The following KRABD3 variants were observed in gnomAD, a reference collection of about 807,000 sequenced individuals.
The protein encoded by KRABD3 is KRAB domain containing 3, also known as KRAB domain-containing protein 3.
At chr7:149,721,829 G>A in the KRABD3 span, 2 of 583,110 alleles carry the variant, frequency 3.4e-6, no homozygotes, top group Non-Finnish European at 6.5e-6. Flanking sequence ...GCAGGCCCAC[G>A]GCCAGCAGCA....
chr7:149,728,491 C>G, the KRABD3 span: 6 of 1,608,666 alleles, frequency 3.7e-6, no homozygotes, highest in Non-Finnish European at 5.1e-6. Context: ...GAGCTACAGT[C>G]CCCCTCATCT....
At chr7:149,728,824 A>T in the KRABD3 span, 1 of 883,410 alleles carries the variant, frequency 1.1e-6, no homozygotes, top group Non-Finnish European at 1.7e-6. Context: ...CCAGAAAGCC[A>T]GATAGTCTGC....
chr7:149,720,254 G>A, the KRABD3 span: 65 of 1,053,832 alleles, frequency 6.2e-5, no homozygotes, highest in Non-Finnish European at 8.3e-5. Flanking sequence ...AACCTCCCAA[G>A]CTTTCACCCC....
chr7:149,731,483 C>A, the KRABD3 span, among the ~76,000 whole-genome samples: 1 of 152,320 alleles, frequency 6.6e-6, no homozygotes, highest in Non-Finnish European at 1.5e-5. Flanking sequence ...GGCAGGAACA[C>A]CACACACACA....
chr7:149,721,780 G>A, the KRABD3 span: 6 of 664,912 alleles, frequency 9.0e-6, no homozygotes, highest in Non-Finnish European at 1.7e-5. Flanking sequence ...CGATCACTGA[G>A]CACTTTGTAC....
the KRABD3 span, chr7:149,715,330 G>A: frequency 8.3e-7 from 1 of 1,211,036 alleles, no homozygotes; most frequent in Non-Finnish European, 1.0e-6. Flanking sequence ...GGTAGAGTGG[G>A]CATGAAGGCC....
the KRABD3 span, among the ~76,000 whole-genome samples, chr7:149,716,348 G>T: frequency 1.9e-3 from 287 of 152,360 alleles, 1 homozygote; most frequent in Admixed American, 4.7e-3. Context: ...TCCTGGGTCA[G>T]CCCAGAAAGC....
chr7:149,724,922 C>T, the KRABD3 span: 1 of 1,294,216 alleles, frequency 7.7e-7, no homozygotes. Flanking sequence ...TTCCACTAAC[C>T]CCAGGGAAGC....
chr7:149,724,355 C>T, the KRABD3 span, among the ~76,000 whole-genome samples: 1 of 152,134 alleles, frequency 6.6e-6, no homozygotes, highest in African/African-American at 2.4e-5. Context: ...AAGCCCTGAG[C>T]AGCTGGGTTG....
the KRABD3 span, among the ~76,000 whole-genome samples, chr7:149,725,684 C>T: frequency 6.6e-6 from 1 of 152,238 alleles, no homozygotes; most frequent in African/African-American, 2.4e-5. Context: ...GCCCTACTTC[C>T]TTCTCTCAGA....
chr7:149,729,789 G>C, the KRABD3 span: 13 of 985,248 alleles, frequency 1.3e-5, no homozygotes, highest in African/African-American at 2.1e-4. Context: ...CCCACCCTTG[G>C]GCTGCTGGCC....
At chr7:149,731,630 C>A in the KRABD3 span, 1 of 1,470,272 alleles carries the variant, frequency 6.8e-7, no homozygotes, top group Admixed American at 1.9e-5. Context: ...TCTGGCCAAA[C>A]GATCGTCTCC....
chr7:149,734,371 A>G, the KRABD3 span: 1 of 307,444 alleles, frequency 3.3e-6, no homozygotes. Flanking sequence ...CCACATATGC[A>G]GGGGGTGCCC....
the KRABD3 span, chr7:149,729,072 C>G: frequency 1.0e-5 from 8 of 803,014 alleles, no homozygotes; most frequent in African/African-American, 1.1e-4. Context: ...TTTCCCACAC[C>G]TGATGCTGGT....
chr7:149,724,844 C>A, the KRABD3 span: 1 of 1,576,358 alleles, frequency 6.3e-7, no homozygotes, highest in Non-Finnish European at 8.6e-7. Flanking sequence ...GGCCCTGAGG[C>A]TCAAGGTGAG....
the KRABD3 span, chr7:149,723,614 C>G: frequency 2.1e-6 from 2 of 960,168 alleles, no homozygotes; most frequent in African/African-American, 1.7e-5. Context: ...CAGCGAGCCA[C>G]TGGAAGAGCC....
At chr7:149,733,815 C>T in the KRABD3 span, 7 of 1,604,214 alleles carry the variant, frequency 4.4e-6, no homozygotes, top group Admixed American at 1.7e-5. Context: ...CTCGCACATA[C>T]CGGGGGCCAC....
the KRABD3 span, chr7:149,719,738 C>G: frequency 6.5e-7 from 1 of 1,534,414 alleles, no homozygotes; most frequent in East Asian, 2.3e-5. The surrounding 1 kb of genome is among the most constrained non-coding windows in gnomAD (Gnocchi z 5.6). Flanking sequence ...AGGCCGGAGT[C>G]CCTGGACCCG....
the KRABD3 span, among the ~76,000 whole-genome samples, chr7:149,718,281 A>G: frequency 6.6e-6 from 1 of 152,278 alleles, no homozygotes; most frequent in South Asian, 2.1e-4. Context: ...GAGCAGATGA[A>G]ACAAGCGGTG....
Sources: gnomAD v4.1 joint callset for allele counts (sites outside exome capture counted in the v4.1 genomes callset) on GRCh38, gnomAD v4.1.1 for gene constraint, Gnocchi (gnomAD v3.1) non-coding constraint, MANE v1.5 for transcripts, NCBI Gene and HGNC (gene_info 2026-07-23, HGNC 2026-07-21) for gene names.